The following TUBG2 variants were observed in gnomAD, a reference collection of about 807,000 sequenced individuals.
TUBG2 encodes tubulin gamma 2.
Under a neutral mutation model 55.1 loss-of-function variants are expected in TUBG2, and 39 were observed. The observed-to-expected ratio is 0.71, with a 90% CI of 0.55 to 0.93. TUBG2 has a LOEUF of 0.93. Among genes scored for constraint, TUBG2 ranks in the 40% least tolerant of loss-of-function variants. The pLI, the probability that TUBG2 is intolerant of heterozygous loss-of-function variation, is 0.00. For synonymous variants in TUBG2, 223 were observed against 241.0 expected (o/e 0.93, Z 0.69); for missense variants, 358 against 599.1 (o/e 0.60, Z 4.20).
In TUBG2 at chr17:42,665,479, G is replaced by T; in HGVS notation, c.610G>T (p.Val204Leu). The T allele has an allele frequency of 6.2e-7, 1 of 1,614,018 alleles. No homozygotes were observed. Among genetic ancestry groups the T allele is most frequent in the Non-Finnish European group, 8.5e-7 (1 of 1,180,008 alleles). ...TGATGCTCTTCTGTCCCCCCAGGTG[G>T]TGCTGGACAACACAGCCCTGAACCG... ...RLTQNADCVV[V>L]LDNTALNRIA... is the part of the protein sequence containing the mutation. The change falls in exon 7 of 11, where the codon GTG becomes TTG. Residue 204 changes from valine (V) to leucine (L), a missense_variant. Val to Leu is a conservative substitution (Grantham distance 32, BLOSUM62 1). Coordinates refer to ENST00000251412, the MANE Select transcript of TUBG2 (RefSeq NM_016437.3).
At chr17:42,666,016 TTCTG>T in intron 8 of TUBG2, 67 bp from the exon 9 acceptor site, 2 of 1,607,616 alleles carry the variant, frequency 1.2e-6, no homozygotes, top group Non-Finnish European at 1.7e-6. Context: ...TGCCTTTGGC[TTCTG>T]CCAAAGAGAA....
At chr17:42,661,106 A>G (rs2052373253) in intron 4 of TUBG2, 1 of 215,844 alleles carries the variant, frequency 4.6e-6, no homozygotes, top group Non-Finnish European at 9.6e-6. Context: ...CCTGGCTTAC[A>G]GCTCTTATAA....
At chr17:42,664,533 G>A (rs1396799115) in intron 6 of TUBG2, among the ~76,000 whole-genome samples, 3 of 152,068 alleles carry the variant, frequency 2.0e-5, no homozygotes, top group African/African-American at 7.2e-5. Context: ...GCCCACTCAT[G>A]CTTGTATTCT....
chr17:42,663,146 T>C, intron 5 of TUBG2, 94 bp downstream of exon 5: 1 of 1,410,610 alleles, frequency 7.1e-7, no homozygotes, highest in East Asian at 2.3e-5. Flanking sequence ...CCACTACCCC[T>C]TTTGAGTCAT....
rs1164471665 is a variant in TUBG2, at chr17:42,666,604, T to G, written c.1160T>G (p.Leu387Arg). 1.2e-6 allele frequency: 2 copies of G among 1,614,180 alleles called. No homozygotes were observed. Among genetic ancestry groups the G allele is most frequent in the Non-Finnish European group, 1.7e-6 (2 of 1,180,006 alleles). The change falls in exon 11 of 11, where the codon CTC (leucine) becomes CGC (arginine). Residue 387 changes from leucine (L) to arginine (R), a missense_variant and splice_region_variant. Physicochemically the swap from Leu to Arg is moderately radical, Grantham distance 102. Coordinates refer to ENST00000251412, the MANE Select transcript of TUBG2 (RefSeq NM_016437.3). ...MMANHTSISS[L>R]FESSCQQFDK... ...TTTGGAGATTTTCATCTCTTTCAGC[T>G]CTTTGAAAGTTCCTGCCAGCAGTTT...
chr17:42,659,600 G>A, intron 1 of TUBG2, 48 bp downstream of exon 1: 1 of 1,524,938 alleles, frequency 6.6e-7, no homozygotes. Context: ...CTGCCCCTTC[G>A]GGTCCCACCC....
chr17:42,666,311 T>G lies in TUBG2; in HGVS notation c.997-12T>G. 2 of 1,614,168 alleles carry G rather than the reference T, an allele frequency of 1.2e-6. No homozygotes were observed. Among genetic ancestry groups the G allele is most frequent in the African/African-American group, 1.3e-5 (1 of 75,050 alleles). ...GGAGAGGCCACCTCCACTGCTCCTATGCCCACCCCAGGTCCACAAGAGCCT... is the reference window on the plus strand; with the variant it reads ...GGAGAGGCCACCTCCACTGCTCCTAGGCCCACCCCAGGTCCACAAGAGCCT... On this transcript the variant is annotated splice_polypyrimidine_tract_variant and intron_variant, in intron 9 of 10. Coordinates refer to ENST00000251412, the MANE Select transcript of TUBG2 (RefSeq NM_016437.3).
chr17:42,666,460 G>C lies in TUBG2; in HGVS notation c.1134G>C (p.Met378Ile), dbSNP rs545963318. ...PSAHRVSGLM[M>I]ANHTSISSLF... is the part of the protein sequence containing the mutation. ...CCCACCGGGTCAGCGGGCTCATGAT[G>C]GCCAACCACACCAGCATCTCCTCGG... Residue 378 changes from methionine (M) to isoleucine (I), a missense_variant, in exon 10 of 11, where the codon ATG becomes ATC. Met to Ile is a conservative substitution (Grantham distance 10). Coordinates refer to ENST00000251412, the MANE Select transcript of TUBG2 (RefSeq NM_016437.3). 2 of 1,614,132 alleles carry C rather than the reference G, an allele frequency of 1.2e-6. No individual in the cohort carries two copies. Among genetic ancestry groups the C allele is most frequent in the Non-Finnish European group, 1.7e-6 (2 of 1,179,978 alleles).
At chr17:42,665,033 A>ATTTAT (rs1555635497) in intron 6 of TUBG2, among the ~76,000 whole-genome samples, 1 of 148,890 alleles carries the variant, frequency 6.7e-6, no homozygotes, top group Non-Finnish European at 1.5e-5. Flanking sequence ...ATTTTATTTT[A>ATTTAT]TTTATTTTAT....
intron 9 of TUBG2, 29 bp downstream of exon 9, chr17:42,666,268 T>C (rs2052538977): frequency 3.7e-6 from 6 of 1,614,072 alleles, no homozygotes; most frequent in Non-Finnish European, 5.1e-6. Flanking sequence ...TCCCGCGCCC[T>C]GGACCTGCAG....
intron 5 of TUBG2, 141 bp downstream of exon 5, chr17:42,663,193 T>C: frequency 8.0e-7 from 1 of 1,252,904 alleles, no homozygotes; most frequent in African/African-American, 1.5e-5. Flanking sequence ...TTGGAAGCTA[T>C]TTTGGGGGGT....
rs545271201 is a variant in TUBG2 at position 42,663,425 on chromosome 17, C to A, written c.528C>A (p.Asp176Glu). The part of the protein sequence containing the change: ...VQTYSVFPYQ[D>E]EMSDVVVQPY... Reference sequence around the variant, plus strand: ...CTTATTCAGTGTTTCCCTACCAGGACGAGATGAGCGACGTAGTGGTTCAGC... The same window carrying A: ...CTTATTCAGTGTTTCCCTACCAGGAAGAGATGAGCGACGTAGTGGTTCAGC... Residue 176 changes from aspartate (D) to glutamate (E), a missense_variant, in exon 6 of 11, where the codon GAC becomes GAA. Coordinates refer to ENST00000251412, the MANE Select transcript of TUBG2 (RefSeq NM_016437.3). 1.2e-6 allele frequency: 2 copies of A among 1,614,130 alleles called. No homozygotes were observed. The highest frequency in any genetic ancestry group is 1.1e-5 in the South Asian group (1 of 91,072).
chr17:42,662,172 G>A (rs1316875554), intron 4 of TUBG2, among the ~76,000 whole-genome samples: 1 of 152,012 alleles, frequency 6.6e-6, no homozygotes, highest in East Asian at 1.9e-4. Flanking sequence ...AGGCATGGTG[G>A]TACATGCCTA....
rs767633463 is a variant in TUBG2, at chr17:42,659,346, C to T, written c.-158C>T. On this transcript the variant is annotated 5_prime_UTR_variant, in exon 1 of 11. Coordinates refer to ENST00000251412, the MANE Select transcript of TUBG2 (RefSeq NM_016437.3). ...AGGTTGGGCTCCCCGGCCCACCGGCCGAGGAGAGGCCTGCGCTGCACACGC... is the reference window on the plus strand; with the variant it reads ...AGGTTGGGCTCCCCGGCCCACCGGCTGAGGAGAGGCCTGCGCTGCACACGC... 1.0e-5 allele frequency: 7 copies of T among 697,872 alleles called. No individual in the cohort carries two copies. The highest frequency in any genetic ancestry group is 3.7e-5 in the Admixed American group (1 of 27,028). 43.2% of individuals were successfully genotyped at this position (697,872 alleles called of 1,614,324 possible).
At chr17:42,665,342 C>G in intron 6 of TUBG2, 134 bp from the exon 7 acceptor site, 1 of 1,382,212 alleles carries the variant, frequency 7.2e-7, no homozygotes, top group South Asian at 1.3e-5. Flanking sequence ...CCACCGCGCC[C>G]GGCCTCAGTA....
chr17:42,666,808 C>T lies in TUBG2; in HGVS notation c.*8C>T. The T allele has an allele frequency of 6.2e-7, 1 of 1,613,934 alleles. No individual in the cohort carries two copies. Among genetic ancestry groups the T allele is most frequent in the Non-Finnish European group, 8.5e-7 (1 of 1,179,896 alleles). On this transcript the variant is annotated 3_prime_UTR_variant, in exon 11 of 11. Transcript: ENST00000251412. ...GGCACCCAGGAGCAGTGATTTCCCTCCCCACTACTCCTTCTCCTTCTAGAT... is the reference window on the plus strand; with the variant it reads ...GGCACCCAGGAGCAGTGATTTCCCTTCCCACTACTCCTTCTCCTTCTAGAT...
chr17:42,662,108 C>T (rs767358125), intron 4 of TUBG2, among the ~76,000 whole-genome samples: 1 of 152,180 alleles, frequency 6.6e-6, no homozygotes, highest in Non-Finnish European at 1.5e-5. Flanking sequence ...AGTTCAAAAC[C>T]AGCCTGGGCA....
At chr17:42,664,432 G>A (rs942961650) in intron 6 of TUBG2, among the ~76,000 whole-genome samples, 1 of 151,984 alleles carries the variant, frequency 6.6e-6, no homozygotes, top group Non-Finnish European at 1.5e-5. Context: ...TGACTTCTAA[G>A]TTTCTTAGAA....
rs1184597014 is a variant in TUBG2 at position 42,659,470 on chromosome 17, A to C, written c.-34A>C. 1.9e-6 allele frequency: 3 copies of C among 1,542,050 alleles called. No homozygotes were observed. The highest frequency in any genetic ancestry group is 2.0e-5 in the Admixed American group (1 of 49,512). On this transcript the variant is annotated 5_prime_UTR_variant, in exon 1 of 11. Transcript: ENST00000251412. ...ATTCGTCTCAGCCGTGACTCTCGCC[A>C]GGCCGGGGCTGGCGCGCCCACGTCT... is the stretch of plus-strand genomic sequence containing the variant.
Sources: allele counts gnomAD v4.1 joint callset (sites outside exome capture counted in the v4.1 genomes callset), GRCh38; gene constraint gnomAD v4.1.1; transcripts MANE v1.5; gene names NCBI Gene and HGNC (gene_info 2026-07-23, HGNC 2026-07-21).